Variants in TRPC6 observed in about 807,000 individuals in gnomAD.
TRPC6 encodes transient receptor potential cation channel subfamily C member 6, also known as short transient receptor potential channel 6.
A neutral mutation model predicts 90.7 loss-of-function variants in TRPC6; 55 were observed. The ratio of observed to expected loss-of-function variants is 0.61; its 90% CI spans 0.49 to 0.76. The LOEUF (loss-of-function observed/expected upper bound fraction) is 0.76, where lower values mean the gene tolerates loss of function less well. Ranked by LOEUF, TRPC6 falls within the 30% of genes least tolerant of loss-of-function variation. The probability of loss-of-function intolerance (pLI) is 0.00; values close to 1 mark genes in which losing one functional copy is unlikely to be tolerated. For synonymous variants in TRPC6, 393 were observed against 393.0 expected, an observed-to-expected ratio of 1.00 and a Z score of 0.00; for missense variants, 989 against 1,122.7, an observed-to-expected ratio of 0.88 and a Z score of 1.70.
intron 3 of TRPC6, 168 bp downstream of exon 3, chr11:101,491,388 C>A: frequency 1.3e-6 from 1 of 756,260 alleles, no homozygotes; most frequent in Non-Finnish European, 2.0e-6. Context: ...GAGCCGAGAT[C>A]GCACCACTGC....
intron 1 of TRPC6, among the ~76,000 whole-genome samples, chr11:101,541,230 A>C (rs565697270): frequency 4.3e-4 from 65 of 152,198 alleles, no homozygotes; most frequent in Non-Finnish European, 7.9e-4. Context: ...CTATGATGAA[A>C]ACATATCCAA....
intron 1 of TRPC6, among the ~76,000 whole-genome samples, chr11:101,516,395 C>T (rs180693169): frequency 6.6e-6 from 1 of 152,280 alleles, no homozygotes. Flanking sequence ...CCCATCCCCA[C>T]TTAAGAATGT....
intron 1 of TRPC6, among the ~76,000 whole-genome samples, chr11:101,544,789 T>TG (rs906069281): frequency 2.2e-4 from 33 of 152,226 alleles, no homozygotes; most frequent in African/African-American, 7.0e-4. Flanking sequence ...GATGACGGGT[T>TG]GATGGGTGCA....
At chr11:101,459,677 G>T (rs931870053) in intron 10 of TRPC6, among the ~76,000 whole-genome samples, 11 of 151,914 alleles carry the variant, frequency 7.2e-5, no homozygotes, top group Non-Finnish European at 1.2e-4. Context: ...TAAAGAAAAG[G>T]CATTTTGATT....
chr11:101,573,954 G>A (rs80170162), intron 1 of TRPC6, among the ~76,000 whole-genome samples: 1,653 of 86,586 alleles, frequency 0.019, 34 homozygotes, highest in Admixed American at 0.033. Flanking sequence ...GTGTGTGTGT[G>A]TGTATGTGTG....
chr11:101,479,423 A>C (rs1007412383), intron 5 of TRPC6, among the ~76,000 whole-genome samples: 4 of 152,110 alleles, frequency 2.6e-5, no homozygotes, highest in Admixed American at 2.6e-4. Flanking sequence ...ATTTGAGCTC[A>C]CTGTTCTGCC....
At chr11:101,529,619 A>C (rs901857696) in intron 1 of TRPC6, among the ~76,000 whole-genome samples, 12 of 152,230 alleles carry the variant, frequency 7.9e-5, no homozygotes, top group African/African-American at 2.9e-4. Context: ...AAATGCACTT[A>C]TTTATGAAAT....
chr11:101,535,974 A>G (rs1359313093), intron 1 of TRPC6, among the ~76,000 whole-genome samples: 2 of 152,050 alleles, frequency 1.3e-5, no homozygotes, highest in Admixed American at 1.3e-4. Flanking sequence ...CATCCATTCA[A>G]TAAATATTTA....
chr11:101,505,736 C>T (rs192425235), intron 1 of TRPC6, among the ~76,000 whole-genome samples: 17 of 152,238 alleles, frequency 1.1e-4, no homozygotes, highest in South Asian at 2.1e-4. Context: ...GAAAGTGAGC[C>T]GGGTGCTATG....
intron 1 of TRPC6, among the ~76,000 whole-genome samples, chr11:101,561,970 T>A (rs1861724821): frequency 6.6e-6 from 1 of 152,118 alleles, no homozygotes; most frequent in South Asian, 2.1e-4. Flanking sequence ...TTAGTTCTGA[T>A]TACTAACAAA....
intron 1 of TRPC6, among the ~76,000 whole-genome samples, chr11:101,541,582 A>T (rs4754012): frequency 2.0e-4 from 30 of 151,936 alleles, no homozygotes; most frequent in Non-Finnish European, 3.8e-4. Context: ...AGTCTATATG[A>T]GACAGAAAGC....
At chr11:101,569,133 A>G (rs1199562975) in intron 1 of TRPC6, among the ~76,000 whole-genome samples, 5 of 152,016 alleles carry the variant, frequency 3.3e-5, no homozygotes, top group Admixed American at 3.3e-4. Context: ...ATGCAAAGAC[A>G]CACACATAAG....
intron 6 of TRPC6, among the ~76,000 whole-genome samples, chr11:101,474,805 T>A (rs930110980): frequency 1.3e-5 from 2 of 152,170 alleles, no homozygotes; most frequent in Non-Finnish European, 2.9e-5. Flanking sequence ...TCTCCTTAAG[T>A]ACATAACTGG....
In TRPC6 at chr11:101,550,478, G is replaced by A. The variant is rs147741473; in HGVS notation, c.170+32856C>T. 6.9e-3 allele frequency among the ~76,000 whole-genome samples: 1,042 copies of A among 151,470 alleles called. 17 individuals are homozygous for A. Among genetic ancestry groups the A allele is most frequent in the African/African-American group, 0.023 (946 of 41,408 alleles). On this transcript the variant is annotated intron_variant, in intron 1 of 12. Coordinates refer to ENST00000344327, the MANE Select transcript of TRPC6 (RefSeq NM_004621.6). ...TAATTTTAATTTTATTTCTGCTAAC[G>A]CTATTATGCAAATATTTGTTCAACT...
intron 1 of TRPC6, among the ~76,000 whole-genome samples, chr11:101,507,553 T>C (rs1301502728): frequency 6.6e-6 from 1 of 152,108 alleles, no homozygotes. Flanking sequence ...AAAGCATGCA[T>C]AGGTGAATTT....
chr11:101,455,065 C>T lies in TRPC6; in HGVS notation c.2521G>A (p.Glu841Lys). The change falls in exon 11 of 13, where the codon GAA becomes AAA. Residue 841 changes from glutamate (E) to lysine (K), a missense_variant. Physicochemically the swap from Glu to Lys is moderately conservative, Grantham distance 56 (BLOSUM62 1). Around this residue, in one of 4 missense-constraint regions of TRPC6, gnomAD observed 191 missense variants for 196.7 expected, o/e 0.97. Transcript: ENST00000344327. ...TTGAAACTATTTAGATGGAAATCTT[C>T]TGAGCTCCTTATACTTGGTTGTTTA... ...HNKQPSIRSS[E>K]DFHLNSFNNP... 6.2e-7 allele frequency: 1 copy of T among 1,612,554 alleles called. No homozygotes were observed. The highest frequency in any genetic ancestry group is 8.5e-7 in the Non-Finnish European group (1 of 1,179,054).
intron 1 of TRPC6, among the ~76,000 whole-genome samples, chr11:101,541,159 G>A (rs532272362): frequency 2.0e-5 from 3 of 152,168 alleles, no homozygotes; most frequent in African/African-American, 7.2e-5. Flanking sequence ...GGATTCTTTA[G>A]TTATATTAAC....
intron 10 of TRPC6, among the ~76,000 whole-genome samples, chr11:101,459,321 G>A (rs1233257248): frequency 2.6e-5 from 4 of 152,226 alleles, no homozygotes; most frequent in South Asian, 2.1e-4. Flanking sequence ...GAGGTAAGAC[G>A]ATTGTCTGGG....
intron 1 of TRPC6, among the ~76,000 whole-genome samples, chr11:101,548,511 A>G (rs1480773146): frequency 7.7e-6 from 1 of 129,566 alleles, no homozygotes; most frequent in Non-Finnish European, 1.6e-5. Flanking sequence ...ACAGATGAGG[A>G]AAGTGAGGTT....
Sources: gnomAD v4.1 joint callset for allele counts (sites outside exome capture counted in the v4.1 genomes callset) on GRCh38, gnomAD v4.1.1 for gene constraint, gnomAD v4.1.1 regional missense constraint, MANE v1.5 for transcripts, NCBI Gene and HGNC (gene_info 2026-07-23, HGNC 2026-07-21) for gene names.